The following AGO2 variants were observed in gnomAD, a reference collection of about 807,000 sequenced individuals.
The protein encoded by AGO2 is argonaute RISC catalytic component 2.
A neutral mutation model predicts 102.3 loss-of-function variants in AGO2; 5 were observed. That is an observed-to-expected ratio of 0.05 (90% CI 0.03 to 0.10). The LOEUF (loss-of-function observed/expected upper bound fraction) is 0.10, where lower values mean the gene tolerates loss of function less well. Among genes scored for constraint, AGO2 ranks in the 10% least tolerant of loss-of-function variants. The probability of loss-of-function intolerance (pLI) is 1.00; values close to 1 mark genes in which losing one functional copy is unlikely to be tolerated. For missense variants in AGO2, 541 were observed against 1,183.7 expected (o/e 0.46, Z 7.97); for synonymous variants, 449 against 473.1 (o/e 0.95, Z 0.66).
chr8:140,546,186 G>A (rs2132893265), intron 13 of AGO2, among the ~76,000 whole-genome samples: 1 of 152,312 alleles, frequency 6.6e-6, no homozygotes, highest in South Asian at 2.1e-4. Context: ...CTGTTTCACT[G>A]CAGAGCCCGC....
chr8:140,548,173 G>A (rs554443992), intron 12 of AGO2, among the ~76,000 whole-genome samples: 16 of 152,224 alleles, frequency 1.1e-4, no homozygotes, highest in African/African-American at 3.6e-4. Flanking sequence ...AAAATTAGCC[G>A]GGCATGGCAG....
At chr8:140,548,366 C>T (rs535285611) in intron 12 of AGO2, among the ~76,000 whole-genome samples, 28 of 151,094 alleles carry the variant, frequency 1.9e-4, no homozygotes, top group Admixed American at 1.6e-3. Flanking sequence ...ACTCACACCA[C>T]GGCGCCCTGG....
chr8:140,585,361 C>T lies in AGO2; in HGVS notation c.23-50G>A, dbSNP rs369738966. 1.1e-4 allele frequency: 166 copies of T among 1,579,314 alleles called. 1 individual carries two copies. The highest frequency in any genetic ancestry group is 9.4e-5 in the African/African-American group (7 of 74,194). ...TTAACGGGGGAGCAGGCTTGCTCTG[C>T]GGCCCTTCCCATCCCGCGGCCCCAA... On this transcript the variant is annotated intron_variant, in intron 1 of 18. Transcript: ENST00000220592.
rs2073159662 is a variant in AGO2, at chr8:140,559,399, A to G, written c.786T>C (p.Ile262=). ...DSQRVKFTKE[I]KGLKVEITHC... ...TGTGCTGGGACAGTTCATTACCTTTAATTTCTTTGGTAAACTTTACCCTTT... is the reference window on the plus strand; with the variant it reads ...TGTGCTGGGACAGTTCATTACCTTTGATTTCTTTGGTAAACTTTACCCTTT... Residue 262 remains isoleucine (I), a synonymous_variant, in exon 6 of 19, where the codon ATT becomes ATC. Coordinates refer to ENST00000220592, the MANE Select transcript of AGO2 (RefSeq NM_012154.5). 1 of 1,614,020 alleles carries G rather than the reference A, an allele frequency of 6.2e-7. No homozygotes were observed. The highest frequency in any genetic ancestry group is 2.2e-5 in the East Asian group (1 of 44,876).
intron 3 of AGO2, among the ~76,000 whole-genome samples, chr8:140,571,311 T>C (rs2073375176): frequency 6.6e-6 from 1 of 152,220 alleles, no homozygotes; most frequent in African/African-American, 2.4e-5. Context: ...CTGAGATTGC[T>C]GGGCCCTGCT....
chr8:140,568,875 A>ATTCG (rs2073335317), intron 3 of AGO2, among the ~76,000 whole-genome samples: 1 of 152,170 alleles, frequency 6.6e-6, no homozygotes. Context: ...GGCTTGGGTC[A>ATTCG]AAGCACCTGG....
intron 3 of AGO2, among the ~76,000 whole-genome samples, chr8:140,566,204 G>A (rs1050582847): frequency 3.9e-5 from 6 of 152,164 alleles, no homozygotes; most frequent in African/African-American, 7.2e-5. Context: ...GGTCTTTCCC[G>A]TGCTATTCTT....
rs1446472464 is a variant in AGO2, at chr8:140,531,297, A to G, written c.*747T>C. 1 of 152,666 alleles carries G rather than the reference A, an allele frequency of 6.6e-6. No individual in the cohort carries two copies. The highest frequency in any genetic ancestry group is 2.4e-5 in the African/African-American group (1 of 41,464). 9.5% of individuals were successfully genotyped at this position (152,666 alleles called of 1,614,324 possible). On this transcript the variant is annotated 3_prime_UTR_variant, in exon 19 of 19. Coordinates refer to ENST00000220592, the MANE Select transcript of AGO2 (RefSeq NM_012154.5). ...AAAATAAATGTCACAGTCCTATAGG[A>G]CAAATCTGATGATTAGACTGTCAGT... is the stretch of plus-strand genomic sequence containing the variant.
In AGO2 at chr8:140,539,559, TGA is replaced by T. The variant is rs1390271136; in HGVS notation, c.2035-107_2035-106del. Reference sequence around the variant, plus strand: ...TGAGAACACCCAGCCGTGGTGATTCTGAGAGACAATGAGTGTGTTCACGGGGA... The same window carrying T: ...TGAGAACACCCAGCCGTGGTGATTCTGAGACAATGAGTGTGTTCACGGGGA... On this transcript the variant is annotated intron_variant, in intron 15 of 18. Transcript: ENST00000220592. This position sits in a 1 kb window ranked among gnomAD's most constrained non-coding sequence, Gnocchi z 4.7. 8.3e-6 allele frequency: 11 copies of T among 1,324,200 alleles called. No individual in the cohort carries two copies. The highest frequency in any genetic ancestry group is 2.4e-5 in the East Asian group (1 of 42,082). 82.0% of individuals were successfully genotyped at this position (1,324,200 alleles called of 1,614,324 possible). A position where few individuals can be genotyped will look rare whatever the true frequency, so the allele number is the denominator to read the frequency against.
intron 16 of AGO2, among the ~76,000 whole-genome samples, chr8:140,536,870 A>G (rs1277697862): frequency 6.6e-6 from 1 of 152,086 alleles, no homozygotes; most frequent in East Asian, 1.9e-4. Context: ...ACTCCTGGGG[A>G]CTGAGGTCTC....
intron 3 of AGO2, among the ~76,000 whole-genome samples, chr8:140,565,803 G>T (rs1483768173): frequency 1.3e-5 from 2 of 152,162 alleles, no homozygotes; most frequent in Admixed American, 1.3e-4. Context: ...TACATAGCTA[G>T]GTGCAGTGGT....
At chr8:140,600,408 C>T (rs1186721685) in intron 1 of AGO2, among the ~76,000 whole-genome samples, 11 of 152,074 alleles carry the variant, frequency 7.2e-5, no homozygotes, top group Non-Finnish European at 1.5e-4. Flanking sequence ...AGGCCGGGCG[C>T]GGTGGCTCAC....
At chr8:140,566,808 A>G (rs985603708) in intron 3 of AGO2, among the ~76,000 whole-genome samples, 3 of 152,192 alleles carry the variant, frequency 2.0e-5, no homozygotes, top group African/African-American at 4.8e-5. Context: ...GGACAATTCC[A>G]GTACGGACTG....
intron 14 of AGO2, 61 bp downstream of exon 14, chr8:140,544,152 G>C: frequency 6.7e-7 from 1 of 1,489,150 alleles, no homozygotes; most frequent in Non-Finnish European, 8.9e-7. Flanking sequence ...GTGACAGTGG[G>C]ACTTCGACAG....
In AGO2 at chr8:140,630,501, G is replaced by A. The variant is rs900842976; in HGVS notation, c.22+4984C>T. Among the ~76,000 whole-genome samples, 7 of 152,224 alleles carry A rather than the reference G, an allele frequency of 4.6e-5. No individual in the cohort carries two copies. In the East Asian group the frequency reaches 5.8e-4, roughly 13 times the overall value. ...AAAAAATTAGAATAGTGGCTACAGC[G>A]AACAAGTGCAGGCCCCTGACCGCAG... On this transcript the variant is annotated intron_variant, in intron 1 of 18. Transcript: ENST00000220592.
chr8:140,532,325 G>T, intron 18 of AGO2, 91 bp downstream of exon 18: 3 of 1,488,316 alleles, frequency 2.0e-6, no homozygotes, highest in Non-Finnish European at 2.7e-6. Flanking sequence ...AGCCGCTGGG[G>T]CCCTGCCCCT....
rs1418557398 is a variant in AGO2 at position 140,523,560 on chromosome 8, G to A, written c.*8484C>T. 2 of 152,130 alleles carry A rather than the reference G, an allele frequency of 1.3e-5. No homozygotes were observed. Among genetic ancestry groups the A allele is most frequent in the East Asian group, 3.8e-4 (2 of 5,208 alleles). The allele number at this position is 152,130 out of a possible 1,614,324, so 9.4% of individuals were successfully genotyped here. On this transcript the variant is annotated 3_prime_UTR_variant, in exon 19 of 19. Coordinates refer to ENST00000220592, the MANE Select transcript of AGO2 (RefSeq NM_012154.5). ...GAGTAATTAGCCACTTTGCTGCACA[G>A]AAACTTATAAATTATTCTCTCAAAA...
chr8:140,596,275 T>C (rs1170952981), intron 1 of AGO2, among the ~76,000 whole-genome samples: 1 of 152,186 alleles, frequency 6.6e-6, no homozygotes, highest in South Asian at 2.1e-4. Flanking sequence ...CTCTGATATA[T>C]CCCTAAGTTA....
intron 4 of AGO2, among the ~76,000 whole-genome samples, chr8:140,562,191 G>A (rs950379112): frequency 3.3e-5 from 5 of 152,256 alleles, no homozygotes; most frequent in Admixed American, 6.5e-5. Flanking sequence ...AGAGGGCTGC[G>A]CGGAACACGA....
Sources: allele counts gnomAD v4.1 joint callset (sites outside exome capture counted in the v4.1 genomes callset), GRCh38; gene constraint gnomAD v4.1.1; non-coding constraint Gnocchi (gnomAD v3.1); transcripts MANE v1.5; gene names NCBI Gene and HGNC (gene_info 2026-07-23, HGNC 2026-07-21).